PTPRD: variants seen among roughly 807,000 people sequenced by gnomAD.
PTPRD encodes receptor-type tyrosine-protein phosphatase delta.
Under a neutral mutation model 214.5 loss-of-function variants are expected in PTPRD, and 34 were observed. That is an observed-to-expected ratio of 0.16 (90% CI 0.12 to 0.21). PTPRD has a LOEUF of 0.21. Ranked by LOEUF, PTPRD falls within the 10% of genes least tolerant of loss-of-function variation. The pLI, the probability that PTPRD is intolerant of heterozygous loss-of-function variation, is 1.00. For missense variants in PTPRD, 2,545 were observed against 2,398.7 expected (o/e 1.06, Z -1.27); for synonymous variants, 1,128 against 845.7 (o/e 1.33, Z -5.79).
chr9:9,483,832 T>C (rs967003344), intron 8 of PTPRD, among the ~76,000 whole-genome samples: 5 of 151,632 alleles, frequency 3.3e-5, no homozygotes, highest in Admixed American at 6.6e-5. Context: ...AAATTCGTTC[T>C]CTGTTTGGAC....
At chr9:9,203,976 C>T (rs1391610299) in intron 9 of PTPRD, among the ~76,000 whole-genome samples, 2 of 152,122 alleles carry the variant, frequency 1.3e-5, no homozygotes, top group Admixed American at 6.6e-5. Context: ...TAAAGATAGG[C>T]ACAATATATC....
chr9:9,743,380 A>T (rs1265301539), intron 6 of PTPRD, among the ~76,000 whole-genome samples: 1 of 152,124 alleles, frequency 6.6e-6, no homozygotes, highest in Non-Finnish European at 1.5e-5. Context: ...GTTTTCTTAT[A>T]TATAAACAGA....
rs1461654282 is a variant in PTPRD at position 10,291,800 on chromosome 9, T to C, written c.-545+49163A>G. ...TTAAGGTATTAGGTTTGTGGAAATTTGTTGCAGAAGCCAGAGGAAACTAAT... is the reference window on the plus strand; with the variant it reads ...TTAAGGTATTAGGTTTGTGGAAATTCGTTGCAGAAGCCAGAGGAAACTAAT... On this transcript the variant is annotated intron_variant, in intron 3 of 45. Transcript: ENST00000381196. 7.2e-5 allele frequency among the ~76,000 whole-genome samples: 11 copies of C among 152,210 alleles called. No homozygotes were observed. In the East Asian group the frequency reaches 2.1e-3, roughly 29 times the overall value.
chr9:9,207,999 A>G (rs569448751), intron 9 of PTPRD, among the ~76,000 whole-genome samples: 6 of 93,750 alleles, frequency 6.4e-5, no homozygotes, highest in Non-Finnish European at 7.4e-5. Context: ...AAAAGGTGGT[A>G]TGGCTATTCA....
intron 7 of PTPRD, among the ~76,000 whole-genome samples, chr9:9,729,282 G>C (rs553677300): frequency 3.3e-5 from 5 of 152,284 alleles, no homozygotes; most frequent in Admixed American, 1.3e-4. Flanking sequence ...GGATTAGGAA[G>C]ATTCAGTCTT....
rs573277044 is a variant in PTPRD, at chr9:10,588,221, C to G, written c.-600+24177G>C. ...TGTCAATGACAAATTAATGAGTGCT[C>G]TCAGTTTTATAGTTGCAGTTTTGTT... On this transcript the variant is annotated intron_variant, in intron 2 of 45. Transcript: ENST00000381196. 8.0e-4 allele frequency among the ~76,000 whole-genome samples: 122 copies of G among 152,106 alleles called. 4 individuals are homozygous for G. The South Asian group carries it at 0.023, about 29-fold the overall frequency.
intron 20 of PTPRD, among the ~76,000 whole-genome samples, chr9:8,520,621 T>C (rs1161748252): frequency 2.6e-5 from 4 of 152,150 alleles, no homozygotes; most frequent in African/African-American, 9.6e-5. Flanking sequence ...AAAAAAACGG[T>C]ACCCTTACAT....
intron 11 of PTPRD, among the ~76,000 whole-genome samples, chr9:8,991,939 A>G (rs536202849): frequency 2.5e-4 from 38 of 151,982 alleles, no homozygotes; most frequent in African/African-American, 9.2e-4. Context: ...TTTATAAGAG[A>G]CATTTGCCAT....
At chr9:9,874,153 T>C (rs549945833) in intron 5 of PTPRD, among the ~76,000 whole-genome samples, 194 of 152,226 alleles carry the variant, frequency 1.3e-3, no homozygotes, top group African/African-American at 4.3e-3. Context: ...TAAATTACTA[T>C]GTATAATAAA....
chr9:10,480,102 C>T (rs2099088330), intron 2 of PTPRD, among the ~76,000 whole-genome samples: 1 of 140,094 alleles, frequency 7.1e-6, no homozygotes, highest in African/African-American at 2.6e-5. Context: ...ACCTATTTTG[C>T]TGGGCAGGGA....
At chr9:8,660,851 C>T (rs1202331781) in intron 12 of PTPRD, among the ~76,000 whole-genome samples, 4 of 152,098 alleles carry the variant, frequency 2.6e-5, no homozygotes, top group African/African-American at 9.7e-5. Context: ...CTTCCACAAC[C>T]TGACAGTTGT....
chr9:10,422,662 C>A (rs555679885), intron 2 of PTPRD, among the ~76,000 whole-genome samples: 1 of 152,078 alleles, frequency 6.6e-6, no homozygotes, highest in Non-Finnish European at 1.5e-5. Context: ...ACACACACTT[C>A]TGAAAAGAAG....
intron 10 of PTPRD, among the ~76,000 whole-genome samples, chr9:9,175,640 A>AAAAC (rs1569558767): frequency 8.6e-5 from 13 of 151,200 alleles, no homozygotes; most frequent in East Asian, 3.9e-4. Flanking sequence ...AAAAAAAAAA[A>AAAAC]AAAAAAAAAA....
chr9:10,374,741 A>C (rs982680822), intron 2 of PTPRD, among the ~76,000 whole-genome samples: 7 of 152,062 alleles, frequency 4.6e-5, no homozygotes, highest in Admixed American at 3.9e-4. Flanking sequence ...GATTAGAAAA[A>C]AATGAACCTC....
chr9:8,637,552 C>G (rs2096472195), intron 12 of PTPRD, among the ~76,000 whole-genome samples: 1 of 152,192 alleles, frequency 6.6e-6, no homozygotes, highest in African/African-American at 2.4e-5. Flanking sequence ...ACATTGGAAG[C>G]TTGTTCAACA....
intron 36 of PTPRD, among the ~76,000 whole-genome samples, chr9:8,404,290 G>A (rs932803613): frequency 1.8e-4 from 27 of 151,848 alleles, no homozygotes; most frequent in African/African-American, 5.1e-4. Context: ...CACCATGCCC[G>A]GCTAGTTTTT....
chr9:8,585,011 C>A (rs2093520327), intron 14 of PTPRD, among the ~76,000 whole-genome samples: 1 of 152,118 alleles, frequency 6.6e-6, no homozygotes, highest in Admixed American at 6.5e-5. Context: ...AATTATCTCC[C>A]ACTGGTTCCC....
At chr9:10,462,541 G>C in intron 2 of PTPRD, among the ~76,000 whole-genome samples, 1 of 151,976 alleles carries the variant, frequency 6.6e-6, no homozygotes, top group East Asian at 1.9e-4. Flanking sequence ...GGCACATAAT[G>C]TAAGATATAA....
chr9:9,570,025 A>AT (rs1403761496), intron 8 of PTPRD, among the ~76,000 whole-genome samples: 3 of 151,364 alleles, frequency 2.0e-5, no homozygotes, highest in Non-Finnish European at 3.0e-5. Context: ...TTTCCCATAT[A>AT]TTTTTTAGGG....
Sources: gnomAD v4.1 joint callset for allele counts (sites outside exome capture counted in the v4.1 genomes callset) on GRCh38, gnomAD v4.1.1 for gene constraint, MANE v1.5 for transcripts, NCBI Gene and HGNC (gene_info 2026-07-23, HGNC 2026-07-21) for gene names.